The following BABAM2 variants were observed in gnomAD, a reference collection of about 807,000 sequenced individuals.
BABAM2 encodes the protein BRISC and BRCA1 A complex member 2.
BABAM2 carries 31 observed loss-of-function variants against 54.7 expected under a neutral mutation model. The ratio of observed to expected loss-of-function variants is 0.57; its 90% CI spans 0.43 to 0.77. BABAM2 has a LOEUF of 0.77. BABAM2 is among the 30% of genes least tolerant of loss of function. BABAM2 has a pLI of 0.00. For synonymous variants in BABAM2, 167 were observed against 162.9 expected, an observed-to-expected ratio of 1.03 and a Z score of -0.19; for missense variants, 364 against 455.8, an observed-to-expected ratio of 0.80 and a Z score of 1.83.
At position 28,338,470 on chromosome 2, in the gene BABAM2, T is replaced by C; in HGVS notation, c.1109T>C (p.Val370Ala). 6.2e-7 allele frequency: 1 copy of C among 1,614,168 alleles called. No individual in the cohort carries two copies. Among genetic ancestry groups the C allele is most frequent in the Non-Finnish European group, 8.5e-7 (1 of 1,180,002 alleles). The change falls in exon 12 of 12, where the codon GTC becomes GCC. Residue 370 changes from valine (V) to alanine (A), a missense_variant. By Grantham distance (64) the Val-to-Ala change is moderately conservative. Transcript: ENST00000379624. ...ACCAGGGCTTATTTCAAAACCTTTG[T>C]CCCTCAGTTCCAGGAGGCAGCATTT... ...KRAKAYFKTF[V>A]PQFQEAAFAN...
At chr2:27,951,052 A>G (rs902298954) in intron 3 of BABAM2, among the ~76,000 whole-genome samples, 3 of 152,134 alleles carry the variant, frequency 2.0e-5, no homozygotes, top group Admixed American at 6.5e-5. Context: ...TTTCTTTGCC[A>G]GTCTGGCTAG....
At chr2:27,980,489 C>T (rs981988075) in intron 3 of BABAM2, among the ~76,000 whole-genome samples, 1 of 152,126 alleles carries the variant, frequency 6.6e-6, no homozygotes, top group Non-Finnish European at 1.5e-5. Context: ...GACTGATTTA[C>T]TGACTGTTCT....
chr2:27,889,976 C>T (rs1261297523), upstream of BABAM2: 1 of 341,410 alleles, frequency 2.9e-6, no homozygotes, highest in African/African-American at 2.1e-5. Flanking sequence ...TTTGGGGGCG[C>T]AAGTCTTTGG....
intron 7 of BABAM2, among the ~76,000 whole-genome samples, chr2:28,185,445 T>G (rs1676176590): frequency 6.6e-6 from 1 of 152,216 alleles, no homozygotes. Flanking sequence ...TGATCCAGAT[T>G]GCACGTCTGC....
At chr2:28,068,971 A>G (rs1466055514) in intron 6 of BABAM2, among the ~76,000 whole-genome samples, 2 of 152,238 alleles carry the variant, frequency 1.3e-5, no homozygotes, top group Non-Finnish European at 2.9e-5. Flanking sequence ...GTGAAGGGGT[A>G]CAGCTTAATT....
At chr2:28,013,732 T>TACACACACAC (rs1558657061) in intron 4 of BABAM2, among the ~76,000 whole-genome samples, 1 of 98,062 alleles carries the variant, frequency 1.0e-5, no homozygotes, top group Non-Finnish European at 2.3e-5. Context: ...CACACACACG[T>TACACACACAC]GTGTGTGTGT....
intron 6 of BABAM2, among the ~76,000 whole-genome samples, chr2:28,088,085 TTTTG>T (rs1459501035): frequency 6.6e-6 from 1 of 152,234 alleles, no homozygotes; most frequent in Non-Finnish European, 1.5e-5. Context: ...AATCTCTAAA[TTTTG>T]TTTATGTGAA....
At chr2:28,221,044 T>C (rs1680358153) in intron 7 of BABAM2, among the ~76,000 whole-genome samples, 1 of 152,140 alleles carries the variant, frequency 6.6e-6, no homozygotes. Flanking sequence ...CTCACTTGGA[T>C]TTCCCTCAGT....
chr2:28,169,812 A>G (rs1674120934), intron 7 of BABAM2, among the ~76,000 whole-genome samples: 1 of 151,860 alleles, frequency 6.6e-6, no homozygotes, highest in African/African-American at 2.4e-5. Context: ...AAGGGATTAG[A>G]TATTACAGTG....
chr2:28,251,263 G>A (rs1367972148), intron 10 of BABAM2, among the ~76,000 whole-genome samples: 22 of 151,022 alleles, frequency 1.5e-4, no homozygotes, highest in Non-Finnish European at 5.9e-5. Context: ...TTTTTTTTAA[G>A]CCAGAGGAAA....
chr2:28,262,665 C>T (rs1467402244), intron 10 of BABAM2, among the ~76,000 whole-genome samples: 2 of 152,090 alleles, frequency 1.3e-5, no homozygotes, highest in African/African-American at 4.8e-5. Flanking sequence ...AGATGTTGAG[C>T]TCCGTTAGGG....
chr2:28,277,994 G>C (rs1041499637), intron 10 of BABAM2, among the ~76,000 whole-genome samples: 7 of 152,228 alleles, frequency 4.6e-5, no homozygotes, highest in African/African-American at 1.7e-4. Flanking sequence ...CTGGTAGGTA[G>C]ATAAAGAGGA....
intron 4 of BABAM2, among the ~76,000 whole-genome samples, chr2:28,019,967 G>C (rs1675135457): frequency 6.6e-6 from 1 of 152,096 alleles, no homozygotes; most frequent in Non-Finnish European, 1.5e-5. Context: ...GTAAGACTTT[G>C]CATTTAGATG....
intron 3 of BABAM2, among the ~76,000 whole-genome samples, chr2:27,978,760 G>T (rs1200518159): frequency 6.6e-6 from 1 of 152,076 alleles, no homozygotes; most frequent in East Asian, 1.9e-4. Flanking sequence ...CAAAGTACCC[G>T]ATTGGTAGGT....
chr2:28,290,556 T>C (rs1428596461), intron 10 of BABAM2, among the ~76,000 whole-genome samples: 1 of 152,194 alleles, frequency 6.6e-6, no homozygotes, highest in Non-Finnish European at 1.5e-5. Context: ...TATGAGCCTT[T>C]ACTGAGTGTT....
At chr2:27,905,356 G>T (rs773970892) in intron 2 of BABAM2, among the ~76,000 whole-genome samples, 30 of 152,110 alleles carry the variant, frequency 2.0e-4, no homozygotes, top group South Asian at 4.1e-4. Flanking sequence ...AGTCAGTGAG[G>T]TCTGAGTTTG....
intron 10 of BABAM2, among the ~76,000 whole-genome samples, chr2:28,291,945 G>A (rs528302272): frequency 1.3e-5 from 2 of 152,370 alleles, no homozygotes; most frequent in South Asian, 4.1e-4. Context: ...GGAATGAAAA[G>A]TATACAGATT....
intron 11 of BABAM2, among the ~76,000 whole-genome samples, chr2:28,328,880 G>A (rs1690706220): frequency 6.6e-6 from 1 of 152,092 alleles, no homozygotes; most frequent in African/African-American, 2.4e-5. Flanking sequence ...AACCTCTTTG[G>A]GTTGTATATT....
chr2:28,220,522 C>CCT lies in BABAM2; in HGVS notation c.681-16664_681-16663dup, dbSNP rs34705365. Among the ~76,000 whole-genome samples the CCT allele has an allele frequency of 5.3e-3, 792 of 149,908 alleles. 21 individuals are homozygous for CCT. The East Asian group carries it at 0.09, about 17-fold the overall frequency. Reference sequence around the variant, plus strand: ...AACTGTGTTCTTATATACCTTAGTGCCTCTCTCTCTCTCTCTCCATCTCTA... The same window carrying CCT: ...AACTGTGTTCTTATATACCTTAGTGCCTCTCTCTCTCTCTCTCTCCATCTCTA... On this transcript the variant is annotated intron_variant, in intron 7 of 11. Coordinates refer to ENST00000379624, the MANE Select transcript of BABAM2 (RefSeq NM_199191.3).
Sources: gnomAD v4.1 joint callset for allele counts (sites outside exome capture counted in the v4.1 genomes callset) on GRCh38, gnomAD v4.1.1 for gene constraint, MANE v1.5 for transcripts, NCBI Gene and HGNC (gene_info 2026-07-23, HGNC 2026-07-21) for gene names.